Variants in ARHGEF9 observed in about 807,000 individuals in gnomAD.
ARHGEF9 encodes the protein Cdc42 guanine nucleotide exchange factor 9, also known as rho guanine nucleotide exchange factor 9.
ARHGEF9 carries 2 observed loss-of-function variants against 41.3 expected under a neutral mutation model. That is an observed-to-expected ratio of 0.05 (90% CI 0.02 to 0.15). The LOEUF (loss-of-function observed/expected upper bound fraction) is 0.15, where lower values mean the gene tolerates loss of function less well. Among genes scored for constraint, ARHGEF9 ranks in the 10% least tolerant of loss-of-function variants. ARHGEF9 has a pLI of 1.00. For synonymous variants in ARHGEF9, 160 were observed against 154.4 expected, an observed-to-expected ratio of 1.04 and a Z score of -0.27; for missense variants, 225 against 424.7, an observed-to-expected ratio of 0.53 and a Z score of 4.13.
chrX:63,675,306 T>C (rs1414576993), intron 5 of ARHGEF9, among the ~76,000 whole-genome samples: 1 of 111,993 alleles, frequency 8.9e-6, no homozygotes, highest in Non-Finnish European at 1.9e-5. Flanking sequence ...CACCTTATCA[T>C]CTCTTCCATC....
chrX:63,752,084 C>G (rs1556441810), intron 1 of ARHGEF9, among the ~76,000 whole-genome samples: 1 of 111,793 alleles, frequency 8.9e-6, no homozygotes, highest in Non-Finnish European at 1.9e-5. Flanking sequence ...AAAAAAAACC[C>G]CTTCGCTTAA....
intron 3 of ARHGEF9, among the ~76,000 whole-genome samples, chrX:63,704,237 G>A (rs782157259): frequency 3.8e-4 from 43 of 112,341 alleles, no homozygotes; most frequent in African/African-American, 1.4e-3. Flanking sequence ...TTGTAATATA[G>A]GTATCATTTT....
At chrX:63,698,235 A>G (rs1160176441) in intron 3 of ARHGEF9, among the ~76,000 whole-genome samples, 1 of 109,526 alleles carries the variant, frequency 9.1e-6, no homozygotes, top group Non-Finnish European at 1.9e-5. Context: ...TGTGCCCTAA[A>G]CACATAAAAC....
At position 63,636,875 on chromosome X, in the gene ARHGEF9, TG is replaced by T. The variant is rs1323370986; in HGVS notation, c.*1152del. The T allele has an allele frequency of 3.4e-6, 1 of 295,705 alleles. No individual in the cohort carries two copies. Among genetic ancestry groups the T allele is most frequent in the Non-Finnish European group, 5.9e-6 (1 of 170,099 alleles). 24.4% of individuals were successfully genotyped at this position (295,705 alleles called of 1,213,427 possible). On this transcript the variant is annotated 3_prime_UTR_variant, in exon 10 of 10. Coordinates refer to ENST00000671741, the MANE Select transcript of ARHGEF9 (RefSeq NM_001353921.2). ...CTGATGATCTTGATCAGGTGGGCTC[TG>T]TCTTGAACCCCTCCATACTTCTATC... is the stretch of plus-strand genomic sequence containing the variant.
chrX:63,681,612 G>A (rs1315180486), intron 4 of ARHGEF9, among the ~76,000 whole-genome samples: 1 of 110,998 alleles, frequency 9.0e-6, no homozygotes, highest in South Asian at 3.9e-4. Context: ...AGTTCTAAGA[G>A]GGGCGTTGAT....
chrX:63,755,583 G>A (rs1336932038), intron 1 of ARHGEF9, among the ~76,000 whole-genome samples: 4 of 111,373 alleles, frequency 3.6e-5, no homozygotes, highest in Non-Finnish European at 7.5e-5. Flanking sequence ...GGATGGTGAG[G>A]AGAAAGAAGG....
At chrX:63,663,903 G>A (rs181034288) in intron 7 of ARHGEF9, among the ~76,000 whole-genome samples, 14 of 112,161 alleles carry the variant, frequency 1.2e-4, no homozygotes, top group African/African-American at 4.5e-4. Context: ...ATAACTGCTC[G>A]TGTTCTGGGA....
chrX:63,715,080 C>T (rs1417919542), intron 2 of ARHGEF9, among the ~76,000 whole-genome samples: 41 of 109,289 alleles, frequency 3.8e-4, no homozygotes, highest in Non-Finnish European at 3.6e-4. Context: ...ACATAGCTTC[C>T]TTCCCAGTCA....
chrX:63,765,896 C>T (rs1295295625), intron 1 of ARHGEF9, among the ~76,000 whole-genome samples: 1 of 111,766 alleles, frequency 8.9e-6, no homozygotes, highest in Admixed American at 9.5e-5. Flanking sequence ...CTGCACCTTA[C>T]ATGTAAACGG....
At chrX:63,647,869 T>C (rs2048229020) in intron 8 of ARHGEF9, among the ~76,000 whole-genome samples, 1 of 111,271 alleles carries the variant, frequency 9.0e-6, no homozygotes, top group Non-Finnish European at 1.9e-5. Context: ...CCTGGACTTT[T>C]TTTGGTTAGT....
intron 7 of ARHGEF9, among the ~76,000 whole-genome samples, chrX:63,658,284 C>T (rs782439564): frequency 1.6e-4 from 18 of 111,682 alleles, no homozygotes; most frequent in Admixed American, 1.2e-3. Flanking sequence ...AGTTTTCAGG[C>T]GCTAGATTTG....
At chrX:63,639,989 T>C (rs781888055) in intron 9 of ARHGEF9, 1 of 110,979 alleles carries the variant, frequency 9.0e-6, no homozygotes, top group Non-Finnish European at 1.9e-5. Flanking sequence ...TGAAGAGAGG[T>C]TGGTTAATGG....
chrX:63,672,429 A>G (rs1692903033), intron 6 of ARHGEF9, among the ~76,000 whole-genome samples: 1 of 110,822 alleles, frequency 9.0e-6, no homozygotes, highest in African/African-American at 3.3e-5. Flanking sequence ...CAATCAGGCT[A>G]ATAAAGGAGG....
chrX:63,703,917 C>A (rs1490062994), intron 3 of ARHGEF9, among the ~76,000 whole-genome samples: 2 of 110,321 alleles, frequency 1.8e-5, no homozygotes, highest in Non-Finnish European at 3.8e-5. Flanking sequence ...GAGGGAAAAA[C>A]CAGTGCAAAG....
intron 4 of ARHGEF9, among the ~76,000 whole-genome samples, chrX:63,695,512 A>C (rs2051679560): frequency 8.9e-6 from 1 of 112,060 alleles, no homozygotes; most frequent in African/African-American, 3.2e-5. Flanking sequence ...TACATTCAAG[A>C]ATGGAACCAG....
chrX:63,677,008 A>G (rs1315265522), intron 5 of ARHGEF9, among the ~76,000 whole-genome samples: 4 of 111,606 alleles, frequency 3.6e-5, no homozygotes, highest in Non-Finnish European at 5.7e-5. Context: ...TGGATTCCTC[A>G]CTGTCAGTGT....
In ARHGEF9 at chrX:63,697,308, T is replaced by C; in HGVS notation, c.403-4A>G. The C allele has an allele frequency of 8.3e-7, 1 of 1,210,410 alleles. No homozygotes were observed. Among genetic ancestry groups the C allele is most frequent in the Non-Finnish European group, 1.1e-6 (1 of 894,557 alleles). ...TCCGGCACTGCTTCAGATAGCCCTGTAGACAAAGAAAAAGCCTAGGCTGAG... is the reference window on the plus strand; with the variant it reads ...TCCGGCACTGCTTCAGATAGCCCTGCAGACAAAGAAAAAGCCTAGGCTGAG... On this transcript the variant is annotated splice_region_variant and splice_polypyrimidine_tract_variant and intron_variant, in intron 3 of 9. Coordinates refer to ENST00000671741, the MANE Select transcript of ARHGEF9 (RefSeq NM_001353921.2).
At chrX:63,638,278 G>GAGTGGTCACTGGGTAATT in intron 9 of ARHGEF9, 69 bp from the exon 10 acceptor site, 1 of 1,003,788 alleles carries the variant, frequency 1.0e-6, no homozygotes, top group Non-Finnish European at 1.4e-6. Context: ...AAATTACCCA[G>GAGTGGTCACTGGGTAATT]TGACCACTCT....
At chrX:63,680,597 C>G (rs2050561247) in intron 4 of ARHGEF9, among the ~76,000 whole-genome samples, 1 of 112,502 alleles carries the variant, frequency 8.9e-6, no homozygotes, top group African/African-American at 3.2e-5. Flanking sequence ...TCGCAGTGAT[C>G]TGCCGTGGCC....
Sources: gnomAD v4.1 joint callset for allele counts (sites outside exome capture counted in the v4.1 genomes callset) on GRCh38, gnomAD v4.1.1 for gene constraint, MANE v1.5 for transcripts, NCBI Gene and HGNC (gene_info 2026-07-23, HGNC 2026-07-21) for gene names.